Variants in ZNF609 observed in about 807,000 individuals in gnomAD.
The protein encoded by ZNF609 is zinc finger protein 609.
Under a neutral mutation model 109.5 loss-of-function variants are expected in ZNF609, and 11 were observed. That is an observed-to-expected ratio of 0.10 (90% CI 0.06 to 0.17). The LOEUF (loss-of-function observed/expected upper bound fraction) is 0.17, where lower values mean the gene tolerates loss of function less well. Ranked by LOEUF, ZNF609 falls within the 10% of genes least tolerant of loss-of-function variation. The pLI is 1.00. For synonymous variants in ZNF609, 646 were observed against 662.0 expected, an observed-to-expected ratio of 0.98 and a Z score of 0.37; for missense variants, 1,559 against 1,772.4, an observed-to-expected ratio of 0.88 and a Z score of 2.16.
chr15:64,598,738 GTGTGTATATA>G (rs1479673718), intron 2 of ZNF609, among the ~76,000 whole-genome samples: 2 of 71,110 alleles, frequency 2.8e-5, no homozygotes, highest in African/African-American at 1.1e-4. Context: ...ACATCTTTGT[GTGTGTATATA>G]TATATATATA....
intron 1 of ZNF609, among the ~76,000 whole-genome samples, chr15:64,488,998 G>T (rs1893371874): frequency 6.6e-6 from 1 of 151,964 alleles, no homozygotes; most frequent in Non-Finnish European, 1.5e-5. Flanking sequence ...CTACATGGGA[G>T]ACTGAAGCAG....
chr15:64,561,661 G>T (rs182916207), intron 2 of ZNF609, among the ~76,000 whole-genome samples: 17 of 150,960 alleles, frequency 1.1e-4, no homozygotes, highest in Non-Finnish European at 1.9e-4. Flanking sequence ...CTCCTAAAGT[G>T]CTGGGATTAC....
intron 3 of ZNF609, among the ~76,000 whole-genome samples, chr15:64,667,184 G>T (rs1404619331): frequency 6.6e-6 from 1 of 152,128 alleles, no homozygotes; most frequent in African/African-American, 2.4e-5. Context: ...CAAGTGACTT[G>T]TTCAAGGTTA....
chr15:64,514,709 A>G (rs1893782185), intron 2 of ZNF609, among the ~76,000 whole-genome samples: 1 of 148,356 alleles, frequency 6.7e-6, no homozygotes, highest in South Asian at 2.1e-4. Context: ...CGCGATCTGG[A>G]TTCACTGCAA....
intron 1 of ZNF609, among the ~76,000 whole-genome samples, chr15:64,463,522 G>A (rs1314256028): frequency 1.3e-5 from 2 of 152,170 alleles, no homozygotes; most frequent in Non-Finnish European, 2.9e-5. Context: ...TGTATATAAT[G>A]TGCTGTGTAC....
chr15:64,654,143 G>T (rs978276854), intron 3 of ZNF609: 2 of 152,258 alleles, frequency 1.3e-5, no homozygotes, highest in Non-Finnish European at 2.9e-5. Flanking sequence ...GGGTTCAAGC[G>T]ATTCTCCTGC....
chr15:64,566,550 G>GAGCT (rs1894780913), intron 2 of ZNF609, among the ~76,000 whole-genome samples: 1 of 152,202 alleles, frequency 6.6e-6, no homozygotes, highest in African/African-American at 2.4e-5. Context: ...AGACTGCCAA[G>GAGCT]AGCTAGACAT....
At position 64,622,818 on chromosome 15, in the gene ZNF609, C is replaced by T. The variant is rs1895896891; in HGVS notation, c.748-9C>T. 22 of 1,613,086 alleles carry T rather than the reference C, an allele frequency of 1.4e-5. No individual in the cohort carries two copies. The highest frequency in any genetic ancestry group is 1.7e-5 in the Non-Finnish European group (20 of 1,179,054). On this transcript the variant is annotated splice_polypyrimidine_tract_variant and intron_variant, in intron 2 of 9. Transcript: ENST00000326648. ...GCAACTCAGCTACTACTTTTTCTTC[C>T]CTCCACAGATGGAGTCCCCTGTTTC...
intron 2 of ZNF609, among the ~76,000 whole-genome samples, chr15:64,540,384 T>G (rs889402612): frequency 3.9e-5 from 6 of 152,028 alleles, no homozygotes; most frequent in Non-Finnish European, 8.8e-5. Context: ...TACAGATAGG[T>G]TTTTTTGTGT....
chr15:64,537,711 A>G (rs1894178485), intron 2 of ZNF609, among the ~76,000 whole-genome samples: 1 of 152,236 alleles, frequency 6.6e-6, no homozygotes. Context: ...CATAGAAAGA[A>G]GAAGTGTTTA....
intron 2 of ZNF609, among the ~76,000 whole-genome samples, chr15:64,518,071 C>T (rs763984476): frequency 2.0e-5 from 3 of 152,260 alleles, no homozygotes; most frequent in South Asian, 2.1e-4. Flanking sequence ...CGTGAGCCAT[C>T]GTGCTGGGTT....
intron 1 of ZNF609, among the ~76,000 whole-genome samples, chr15:64,476,842 G>T (rs1038894855): frequency 6.6e-6 from 1 of 152,084 alleles, no homozygotes; most frequent in African/African-American, 2.4e-5. Context: ...TTCCTCAAAG[G>T]GAGAAGCCCA....
intron 1 of ZNF609, among the ~76,000 whole-genome samples, chr15:64,482,203 T>C (rs1182419058): frequency 6.6e-6 from 1 of 152,230 alleles, no homozygotes; most frequent in Non-Finnish European, 1.5e-5. Flanking sequence ...TTTCCACTAT[T>C]TCTTTCCAAC....
rs530256505 is a variant in ZNF609, at chr15:64,592,485, C to G, written c.748-30342C>G. The stretch of plus-strand genomic sequence containing the variant: ...CCTAGCTACTTGAGAGGCTAAGGCA[C>G]GAGAATTGCTTCAACCCAGAAGGTG... On this transcript the variant is annotated intron_variant, in intron 2 of 9. Coordinates refer to ENST00000326648, the MANE Select transcript of ZNF609 (RefSeq NM_015042.2). Among the ~76,000 whole-genome samples the G allele has an allele frequency of 7.2e-5, 11 of 152,168 alleles. No individual in the cohort carries two copies. In the South Asian group the frequency reaches 2.3e-3, roughly 32 times the overall value.
intron 1 of ZNF609, among the ~76,000 whole-genome samples, chr15:64,475,206 A>G (rs1018381807): frequency 7.0e-6 from 1 of 143,636 alleles, no homozygotes; most frequent in Non-Finnish European, 1.5e-5. Context: ...GGAATGCACT[A>G]CCTTGCTCCC....
intron 1 of ZNF609, among the ~76,000 whole-genome samples, chr15:64,465,689 T>G (rs1893004137): frequency 6.6e-6 from 1 of 152,146 alleles, no homozygotes; most frequent in Non-Finnish European, 1.5e-5. Context: ...CCAGTTGTTT[T>G]TTTCAATTTT....
chr15:64,586,456 A>C (rs1895198494), intron 2 of ZNF609, among the ~76,000 whole-genome samples: 1 of 152,096 alleles, frequency 6.6e-6, no homozygotes, highest in Non-Finnish European at 1.5e-5. Flanking sequence ...GCAGGAGGTG[A>C]GCAGTGGCTG....
In ZNF609 at chr15:64,675,270, T is replaced by C; in HGVS notation, c.2416T>C (p.Ser806Pro). 1 of 1,613,976 alleles carries C rather than the reference T, an allele frequency of 6.2e-7. No individual in the cohort carries two copies. The highest frequency in any genetic ancestry group is 8.5e-7 in the Non-Finnish European group (1 of 1,179,996). Residue 806 changes from serine to proline, a missense_variant, in exon 5 of 10, where the codon TCC becomes CCC. Transcript: ENST00000326648. Reference protein sequence around the residue: ...YSFTDNAPSPSIGGSSRLENT... With the variant: ...YSFTDNAPSPPIGGSSRLENT... ...TTTCACGGACAATGCCCCCAGCCCT[T>C]CCATTGGAGGCAGTAGCCGCCTTGA... is the stretch of plus-strand genomic sequence containing the variant.
upstream of ZNF609, among the ~76,000 whole-genome samples, chr15:64,459,989 G>T (rs566778250): frequency 6.6e-6 from 1 of 152,264 alleles, no homozygotes; most frequent in Non-Finnish European, 1.5e-5. Context: ...GGGGAAAAGG[G>T]ATATATAGAG....
Sources: gnomAD v4.1 joint callset for allele counts (sites outside exome capture counted in the v4.1 genomes callset) on GRCh38, gnomAD v4.1.1 for gene constraint, MANE v1.5 for transcripts, NCBI Gene and HGNC (gene_info 2026-07-23, HGNC 2026-07-21) for gene names.